TMPRSS15: variants seen among roughly 807,000 people sequenced by gnomAD.
The protein encoded by TMPRSS15 is enteropeptidase.
In TMPRSS15, 128 loss-of-function variants were observed where a neutral mutation model predicts 125.3. The observed-to-expected ratio is 1.02, with a 90% CI of 0.89 to 1.18. The LOEUF (loss-of-function observed/expected upper bound fraction) is 1.18, where lower values mean the gene tolerates loss of function less well. Ranked by LOEUF, TMPRSS15 falls within the 50% of genes most tolerant of loss-of-function variation. The pLI is 0.00. For synonymous variants in TMPRSS15, 446 were observed against 423.2 expected (o/e 1.05, Z -0.66); for missense variants, 1,283 against 1,212.7 (o/e 1.06, Z -0.86).
intron 16 of TMPRSS15, among the ~76,000 whole-genome samples, chr21:18,321,756 C>A (rs944959538): frequency 2.6e-5 from 4 of 152,176 alleles, no homozygotes; most frequent in Non-Finnish European, 5.9e-5. Flanking sequence ...GCTTAATTAG[C>A]CTCCACAGCC....
intron 18 of TMPRSS15, among the ~76,000 whole-genome samples, chr21:18,300,660 T>G (rs1190182184): frequency 6.6e-6 from 1 of 152,294 alleles, no homozygotes; most frequent in East Asian, 1.9e-4. Flanking sequence ...CATTAATTTC[T>G]CTGGAAATTC....
chr21:18,323,325 G>A (rs2075258047), intron 16 of TMPRSS15, among the ~76,000 whole-genome samples: 1 of 152,148 alleles, frequency 6.6e-6, no homozygotes. Flanking sequence ...GGCTGGGAGA[G>A]CTTCATAATC....
At chr21:18,423,820 A>T (rs2076197362) in intron 1 of TMPRSS15, among the ~76,000 whole-genome samples, 1 of 152,172 alleles carries the variant, frequency 6.6e-6, no homozygotes, top group African/African-American at 2.4e-5. Flanking sequence ...ATTCTCTAAA[A>T]AATAAAATAT....
At chr21:18,306,255 A>AT (rs1265186621) in intron 18 of TMPRSS15, among the ~76,000 whole-genome samples, 1 of 152,176 alleles carries the variant, frequency 6.6e-6, no homozygotes, top group African/African-American at 2.4e-5. Flanking sequence ...GAAGCACTAT[A>AT]TGTCTACCAC....
chr21:18,350,063 G>T (rs2075549164), intron 10 of TMPRSS15, among the ~76,000 whole-genome samples: 2 of 152,010 alleles, frequency 1.3e-5, no homozygotes, highest in African/African-American at 4.8e-5. Context: ...TTGTCCAAGT[G>T]TGGTAGAAAC....
chr21:18,275,828 G>T (rs2074613247), intron 23 of TMPRSS15, among the ~76,000 whole-genome samples: 1 of 152,202 alleles, frequency 6.6e-6, no homozygotes, highest in African/African-American at 2.4e-5. Flanking sequence ...GATGAACTAT[G>T]CCCTGGTCTA....
At chr21:18,430,609 C>A (rs2076214639) in intron 1 of TMPRSS15, among the ~76,000 whole-genome samples, 1 of 152,078 alleles carries the variant, frequency 6.6e-6, no homozygotes, top group Non-Finnish European at 1.5e-5. Flanking sequence ...AAAAGAAGAG[C>A]AGAATTACTA....
At chr21:18,481,398 T>A (rs188586173) in intron 1 of TMPRSS15, among the ~76,000 whole-genome samples, 5 of 151,888 alleles carry the variant, frequency 3.3e-5, no homozygotes, top group African/African-American at 1.2e-4. Flanking sequence ...CATAATTTGT[T>A]TTTCCCTAAT....
chr21:18,396,808 G>GTCTATCTATCTA (rs3082172), intron 3 of TMPRSS15, among the ~76,000 whole-genome samples: 4,894 of 107,572 alleles, frequency 0.045, 280 homozygotes, highest in East Asian at 0.12. Flanking sequence ...CTGTCTGTCT[G>GTCTATCTATCTA]TCTATCTATC....
upstream of TMPRSS15, among the ~76,000 whole-genome samples, chr21:18,408,530 T>C (rs975660742): frequency 5.9e-5 from 9 of 152,166 alleles, no homozygotes; most frequent in Non-Finnish European, 1.5e-5. Flanking sequence ...TGGTTCCAAG[T>C]TGATATGAGC....
At chr21:18,396,701 G>A (rs2076040522) in intron 3 of TMPRSS15, among the ~76,000 whole-genome samples, 1 of 151,250 alleles carries the variant, frequency 6.6e-6, no homozygotes, top group Non-Finnish European at 1.5e-5. Flanking sequence ...GTGAACCTGG[G>A]AGGTGGAGCT....
chr21:18,407,435 C>CTT (rs1181848689), upstream of TMPRSS15, among the ~76,000 whole-genome samples: 1 of 130,278 alleles, frequency 7.7e-6, no homozygotes, highest in South Asian at 2.7e-4. Flanking sequence ...CTTTCTTTTT[C>CTT]TTTTTTTCTT....
chr21:18,406,068 T>G (rs749847120), upstream of TMPRSS15, among the ~76,000 whole-genome samples: 5 of 152,146 alleles, frequency 3.3e-5, no homozygotes, highest in Non-Finnish European at 7.4e-5. Context: ...GTACTTACAT[T>G]TATTTTAAAG....
Position 18,315,380 on chromosome 21 carries a change from T to A in TMPRSS15, c.1922-124A>T. On this transcript the variant is annotated intron_variant, in intron 16 of 24. Coordinates refer to ENST00000284885, the MANE Select transcript of TMPRSS15 (RefSeq NM_002772.3). ...TGCCACAGCTCAAGGTGGAACCAGC[T>A]TTGATACTGAGTAAATGAGAGTTAA... The A allele has an allele frequency of 4.0e-6, 3 of 754,390 alleles. No homozygotes were observed. The South Asian group carries it at 4.7e-5, about 12-fold the overall frequency. 46.7% of individuals were successfully genotyped at this position (754,390 alleles called of 1,614,324 possible). A position where few individuals can be genotyped will look rare whatever the true frequency, so the allele number is the denominator to read the frequency against.
chr21:18,442,950 A>C (rs2076245815), intron 1 of TMPRSS15, among the ~76,000 whole-genome samples: 1 of 152,194 alleles, frequency 6.6e-6, no homozygotes, highest in Non-Finnish European at 1.5e-5. Flanking sequence ...TGATTACTGG[A>C]TAGATTAAGA....
At chr21:18,424,205 C>A (rs1336684229) in intron 1 of TMPRSS15, among the ~76,000 whole-genome samples, 1 of 152,174 alleles carries the variant, frequency 6.6e-6, no homozygotes, top group East Asian at 1.9e-4. Context: ...TTTACCTCAA[C>A]AATAATTTCC....
In TMPRSS15 at chr21:18,372,215, A is replaced by G; in HGVS notation, c.642T>C (p.Ser214=). The G allele has an allele frequency of 6.2e-7, 1 of 1,611,656 alleles. No individual in the cohort carries two copies. The highest frequency in any genetic ancestry group is 1.3e-5 in the African/African-American group (1 of 74,786). The change falls in exon 6 of 25, where the codon TCT becomes TCC. Residue 214 remains serine (S), a synonymous_variant. Coordinates refer to ENST00000284885, the MANE Select transcript of TMPRSS15 (RefSeq NM_002772.3). ...TACCACACATTTTATTGTCTTCGTC[A>G]GAACCATCTGGACAGTTTACTTCTC... is the stretch of plus-strand genomic sequence containing the variant. ...CDGEVNCPDG[S]DEDNKMCATV...
At chr21:18,401,720 CT>C (rs1481188814) in intron 1 of TMPRSS15, among the ~76,000 whole-genome samples, 3 of 152,054 alleles carry the variant, frequency 2.0e-5, no homozygotes, top group African/African-American at 7.2e-5. Context: ...CATGTGCCCC[CT>C]GAATCTAAAA....
At chr21:18,416,686 A>C (rs1276016521) in intron 1 of TMPRSS15, among the ~76,000 whole-genome samples, 1 of 152,064 alleles carries the variant, frequency 6.6e-6, no homozygotes, top group Non-Finnish European at 1.5e-5. Context: ...CATATTGTAA[A>C]GAACTTTAAA....
Sources: gnomAD v4.1 joint callset for allele counts (sites outside exome capture counted in the v4.1 genomes callset) on GRCh38, gnomAD v4.1.1 for gene constraint, MANE v1.5 for transcripts, NCBI Gene and HGNC (gene_info 2026-07-23, HGNC 2026-07-21) for gene names.